ZNF324B: variants seen among roughly 807,000 people sequenced by gnomAD.
The protein encoded by ZNF324B is zinc finger protein 324B.
Under a neutral mutation model 10.6 loss-of-function variants are expected in ZNF324B, and 7 were observed. The observed-to-expected ratio is 0.66, with a 90% CI of 0.38 to 1.24. The LOEUF (loss-of-function observed/expected upper bound fraction) is 1.24, where lower values mean the gene tolerates loss of function less well. ZNF324B is among the 50% of genes most tolerant of loss of function. The probability of loss-of-function intolerance (pLI) is 0.02; values close to 1 mark genes in which losing one functional copy is unlikely to be tolerated. For synonymous variants in ZNF324B, 316 were observed against 321.0 expected (o/e 0.98, Z 0.17); for missense variants, 640 against 764.7 (o/e 0.84, Z 1.92).
the ZNF324B span, chr19:58,437,106 G>A: frequency 6.2e-7 from 1 of 1,614,110 alleles, no homozygotes; most frequent in Non-Finnish European, 8.5e-7. Flanking sequence ...GTGCCTCTGG[G>A]CTGCATCAAG....
Position 58,455,708 on chromosome 19 carries a change from A to C in ZNF324B, c.764A>C (p.Lys255Thr). The C allele has an allele frequency of 6.2e-7, 1 of 1,613,644 alleles. No individual in the cohort carries two copies. The highest frequency in any genetic ancestry group is 8.5e-7 in the Non-Finnish European group (1 of 1,179,894). The part of the protein sequence containing the change: ...ELGEALHAGE[K>T]SFECRACSKV... Reference sequence around the variant, plus strand: ...GGCGAGGCTCTTCACGCTGGGGAGAAGTCCTTCGAATGCAGGGCGTGCAGC... The same window carrying C: ...GGCGAGGCTCTTCACGCTGGGGAGACGTCCTTCGAATGCAGGGCGTGCAGC... Residue 255 changes from lysine to threonine, a missense_variant, in exon 4 of 4, where the codon AAG (lysine) becomes ACG (threonine). Transcript: ENST00000336614. This position sits in a 1 kb window ranked among gnomAD's most constrained non-coding sequence, Gnocchi z 7.0.
chr19:58,426,642 G>T, the ZNF324B span, among the ~76,000 whole-genome samples: 37 of 152,284 alleles, frequency 2.4e-4, no homozygotes, highest in South Asian at 7.5e-3. Flanking sequence ...GGAGATGAGG[G>T]AATCAACAGA....
chr19:58,426,666 A>G, the ZNF324B span, among the ~76,000 whole-genome samples: 5 of 152,204 alleles, frequency 3.3e-5, no homozygotes, highest in Admixed American at 6.5e-5. Context: ...TGACACTAGC[A>G]TGAAGGAGAG....
At position 58,457,561 on chromosome 19, in the gene ZNF324B, C is replaced by T. The variant is rs1007893544; in HGVS notation, c.*982C>T. On this transcript the variant is annotated 3_prime_UTR_variant, in exon 4 of 4. Coordinates refer to ENST00000336614, the MANE Select transcript of ZNF324B (RefSeq NM_207395.3). ...TCTCACCTTTCCCTTGTTATGCCTC[C>T]TCAATTGGAGGCTGGACAGAGAGCT... 7.2e-6 allele frequency: 1 copy of T among 139,756 alleles called. No individual in the cohort carries two copies. Among genetic ancestry groups the T allele is most frequent in the African/African-American group, 2.6e-5 (1 of 38,336 alleles). 8.7% of individuals were successfully genotyped at this position (139,756 alleles called of 1,614,324 possible).
rs758457581 is a variant in ZNF324B, at chr19:58,455,763, C to G, written c.819C>G (p.Leu273=). ...TGTTCGTGAAGAGCTCCGACCTCCT[C>G]AAGCACCTACGCACCCACACCGGGG... ...SKVFVKSSDL[L]KHLRTHTGER... is the part of the protein sequence containing the mutation. The change falls in exon 4 of 4, where the codon CTC becomes CTG. Residue 273 remains leucine (L), a synonymous_variant. Coordinates refer to ENST00000336614, the MANE Select transcript of ZNF324B (RefSeq NM_207395.3). This position sits in a 1 kb window ranked among gnomAD's most constrained non-coding sequence, Gnocchi z 7.0. 11 of 1,613,972 alleles carry G rather than the reference C, an allele frequency of 6.8e-6. No homozygotes were observed. Among genetic ancestry groups the G allele is most frequent in the South Asian group, 1.1e-5 (1 of 91,096 alleles).
chr19:58,422,235 AAACTCTC>A, the ZNF324B span, among the ~76,000 whole-genome samples: 1 of 152,154 alleles, frequency 6.6e-6, no homozygotes, highest in Admixed American at 6.6e-5. Flanking sequence ...GTCATGGCAG[AAACTCTC>A]AACTAGGCGT....
rs2052886143 is a variant in ZNF324B at position 58,453,827 on chromosome 19, G to A, written c.121+5G>A. On this transcript the variant is annotated splice_donor_5th_base_variant and intron_variant, in intron 2 of 3. Coordinates refer to ENST00000336614, the MANE Select transcript of ZNF324B (RefSeq NM_207395.3). ...TCACACTTGTGACCTCACTTGGTAA[G>A]GCCCTGGGTGCTCCATGAAAAGTGC... 3 of 1,611,842 alleles carry A rather than the reference G, an allele frequency of 1.9e-6. No individual in the cohort carries two copies. Among genetic ancestry groups the A allele is most frequent in the Middle Eastern group, 1.6e-4 (1 of 6,066 alleles).
chr19:58,451,158 C>T (rs1004149120), upstream of ZNF324B, among the ~76,000 whole-genome samples: 1 of 152,190 alleles, frequency 6.6e-6, no homozygotes, highest in Non-Finnish European at 1.5e-5. Context: ...CAAACCCTCG[C>T]CCAGGATGCA....
chr19:58,454,331 G>C lies in ZNF324B; in HGVS notation c.225G>C (p.Gly75=), dbSNP rs1439120083. 1 of 1,613,214 alleles carries C rather than the reference G, an allele frequency of 6.2e-7. No homozygotes were observed. The highest frequency in any genetic ancestry group is 8.5e-7 in the Non-Finnish European group (1 of 1,179,160). Residue 75 remains glycine, a synonymous_variant, in exon 3 of 4, where the codon GGG becomes GGC. Coordinates refer to ENST00000336614, the MANE Select transcript of ZNF324B (RefSeq NM_207395.3). The part of the protein sequence containing the change: ...KDMTLARNTY[G]RLNSGSWSLT... ...TGACCCTGGCCAGGAACACCTACGG[G>C]AGGCTCAACTCTGGTGAGTGGGAGC... is the stretch of plus-strand genomic sequence containing the variant.
At chr19:58,434,601 A>C in the ZNF324B span, 1 of 1,614,030 alleles carries the variant, frequency 6.2e-7, no homozygotes, top group Non-Finnish European at 8.5e-7. Context: ...GAAACTTTTT[A>C]TTACCAAGGA....
At chr19:58,433,663 G>A in the ZNF324B span, 1 of 1,614,196 alleles carries the variant, frequency 6.2e-7, no homozygotes, top group African/African-American at 1.3e-5. Flanking sequence ...CTTTTCTCCA[G>A]TATGAACTTT....
At chr19:58,450,964 G>T (rs908667676), upstream of ZNF324B, among the ~76,000 whole-genome samples, 3 of 152,224 alleles carry the variant, frequency 2.0e-5, no homozygotes, top group Non-Finnish European at 2.9e-5. Flanking sequence ...GACAAGCAAG[G>T]CTGGGGAATT....
rs773580244 is a variant in ZNF324B, at chr19:58,456,624, C to T, written c.*45C>T. On this transcript the variant is annotated 3_prime_UTR_variant, in exon 4 of 4. Transcript: ENST00000336614. The surrounding 1 kb of genome is among the most constrained non-coding windows in gnomAD (Gnocchi z 4.7). ...ACCCTTTCTTGGCCTTCTGTGAATC[C>T]CTTCCACAGCTAAAGGGTCCGAGTG... The T allele has an allele frequency of 6.3e-7, 1 of 1,580,238 alleles. No individual in the cohort carries two copies. The highest frequency in any genetic ancestry group is 1.3e-5 in the African/African-American group (1 of 74,176).
chr19:58,418,667 T>C, the ZNF324B span: 2 of 152,000 alleles, frequency 1.3e-5, no homozygotes, highest in Non-Finnish European at 2.9e-5. Flanking sequence ...TGGAGTGCAG[T>C]AGTGTGAAGC....
At chr19:58,434,605 C>A in the ZNF324B span, 1 of 1,614,148 alleles carries the variant, frequency 6.2e-7, no homozygotes, top group Admixed American at 1.7e-5. Flanking sequence ...CTTTTTATTA[C>A]CAAGGATTGA....
the ZNF324B span, among the ~76,000 whole-genome samples, chr19:58,427,349 C>CTTTCCTT: frequency 8.9e-4 from 50 of 56,010 alleles, no homozygotes; most frequent in East Asian, 2.6e-3. Context: ...CTTTCTCTTT[C>CTTTCCTT]CTTTCTTTCT....
At chr19:58,445,455 C>T in the ZNF324B span, 1 of 519,002 alleles carries the variant, frequency 1.9e-6, no homozygotes, top group South Asian at 1.4e-5. Flanking sequence ...AGAAACTTCA[C>T]CCTGGAGAAA....
chr19:58,452,967 C>T (rs181175467), intron 1 of ZNF324B, among the ~76,000 whole-genome samples: 41 of 151,910 alleles, frequency 2.7e-4, no homozygotes, highest in Non-Finnish European at 2.1e-4. Context: ...GGTGTGGTGG[C>T]GGGAGGCTGA....
Position 58,454,319 on chromosome 19 carries a change from G to A in ZNF324B, c.213G>A (p.Arg71=). The A allele has an allele frequency of 1.2e-6, 2 of 1,613,964 alleles. No homozygotes were observed. Among genetic ancestry groups the A allele is most frequent in the Non-Finnish European group, 1.7e-6 (2 of 1,179,850 alleles). The change falls in exon 3 of 4, where the codon AGG becomes AGA. Residue 71 remains arginine (R), a synonymous_variant. Transcript: ENST00000336614. ...GTGGAAAGGACATGACCCTGGCCAG[G>A]AACACCTACGGGAGGCTCAACTCTG... ...VPSGKDMTLA[R]NTYGRLNSGS... is the part of the protein sequence containing the mutation.
Sources: gnomAD v4.1 joint callset for allele counts (sites outside exome capture counted in the v4.1 genomes callset) on GRCh38, gnomAD v4.1.1 for gene constraint, Gnocchi (gnomAD v3.1) non-coding constraint, MANE v1.5 for transcripts, NCBI Gene and HGNC (gene_info 2026-07-23, HGNC 2026-07-21) for gene names.